Variants in HPRT1 observed in about 807,000 individuals in gnomAD.
HPRT1 encodes hypoxanthine-guanine phosphoribosyltransferase.
A neutral mutation model predicts 19.0 loss-of-function variants in HPRT1; 4 were observed. The ratio of observed to expected loss-of-function variants is 0.21; its 90% confidence interval spans 0.10 to 0.48. The LOEUF (loss-of-function observed/expected upper bound fraction) is 0.48, where lower values mean the gene tolerates loss of function less well. Among genes scored for constraint, HPRT1 ranks in the 20% least tolerant of loss-of-function variants. HPRT1 has a pLI of 0.98. For synonymous variants in HPRT1, 53 were observed against 54.9 expected (o/e 0.97, Z 0.15); for missense variants, 65 against 164.0 (o/e 0.40, Z 3.30).
chrX:134,497,687 C>T (rs2077685141), intron 6 of HPRT1, among the ~76,000 whole-genome samples: 1 of 110,671 alleles, frequency 9.0e-6, no homozygotes, highest in Non-Finnish European at 1.9e-5. Context: ...TGGCTTACGC[C>T]TGTAATTTCA....
intron 6 of HPRT1, among the ~76,000 whole-genome samples, chrX:134,497,843 A>T (rs1417443716): frequency 1.8e-5 from 2 of 108,213 alleles, no homozygotes; most frequent in African/African-American, 6.8e-5. Flanking sequence ...GCTACTCAGG[A>T]GGCTGAGGCG....
intron 4 of HPRT1, among the ~76,000 whole-genome samples, chrX:134,487,533 T>C (rs1468421038): frequency 8.9e-6 from 1 of 111,747 alleles, no homozygotes; most frequent in Non-Finnish European, 1.9e-5. Flanking sequence ...TAAGACTTAA[T>C]AAGGTTAAAA....
Position 134,481,580 on chromosome X carries a change from C to A in HPRT1, c.319-4885C>A, listed in dbSNP as rs1384194941. Among the ~76,000 whole-genome samples, 3 of 109,826 alleles carry A rather than the reference C, an allele frequency of 2.7e-5. No homozygotes were observed. The Admixed American group carries it at 3.0e-4, about 11-fold the overall frequency. On this transcript the variant is annotated intron_variant, in intron 3 of 8. Coordinates refer to ENST00000298556, the MANE Select transcript of HPRT1 (RefSeq NM_000194.3). ...CTATCTAAAGCAAATTCATGCCCTTCTCCTATTTATTGAATCGAGACCATA... is the reference window on the plus strand; with the variant it reads ...CTATCTAAAGCAAATTCATGCCCTTATCCTATTTATTGAATCGAGACCATA...
intron 8 of HPRT1, 117 bp from the exon 9 acceptor site, chrX:134,499,913 A>G (rs1023592717): frequency 1.1e-5 from 6 of 526,866 alleles, no homozygotes; most frequent in East Asian, 3.6e-5. Flanking sequence ...CAGTAGTACT[A>G]TCTCTGTTTA....
chrX:134,466,913 A>T (rs1164882995), intron 1 of HPRT1, among the ~76,000 whole-genome samples: 1 of 111,205 alleles, frequency 9.0e-6, no homozygotes, highest in Non-Finnish European at 1.9e-5. Flanking sequence ...CTTTTTGTGT[A>T]TATATAACTG....
chrX:134,499,620 C>T (rs1185618247), intron 8 of HPRT1, among the ~76,000 whole-genome samples: 1 of 110,897 alleles, frequency 9.0e-6, no homozygotes, highest in African/African-American at 3.3e-5. Context: ...CTGGCTAACA[C>T]GGTGAAACCC....
At chrX:134,493,747 T>C (rs985177310) in intron 6 of HPRT1, among the ~76,000 whole-genome samples, 157 bp downstream of exon 6, 1 of 112,426 alleles carries the variant, frequency 8.9e-6, no homozygotes, top group African/African-American at 3.2e-5. Context: ...TAAATAATTT[T>C]GTCATGTGTT....
At chrX:134,463,439 T>G (rs1330323144) in intron 1 of HPRT1, among the ~76,000 whole-genome samples, 1 of 111,474 alleles carries the variant, frequency 9.0e-6, no homozygotes, top group Non-Finnish European at 1.9e-5. Flanking sequence ...TTTTTTGTCC[T>G]TGGCCACACT....
chrX:134,486,706 T>C (rs1451842168), intron 4 of HPRT1, 176 bp downstream of exon 4: 2 of 453,743 alleles, frequency 4.4e-6, no homozygotes, highest in South Asian at 5.1e-5. Context: ...AAAAAGACAG[T>C]AGAATCCAAC....
At chrX:134,462,585 TG>T (rs1379263288) in intron 1 of HPRT1, among the ~76,000 whole-genome samples, 3 of 112,304 alleles carry the variant, frequency 2.7e-5, no homozygotes, top group Admixed American at 9.5e-5. Flanking sequence ...CCCAAAGTGC[TG>T]GGATTACAGG....
chrX:134,481,529 A>G (rs1360917599), intron 3 of HPRT1, among the ~76,000 whole-genome samples: 1 of 108,465 alleles, frequency 9.2e-6, no homozygotes, highest in Non-Finnish European at 1.9e-5. Context: ...CTATCTATCT[A>G]TCTATCTATC....
Position 134,486,252 on chromosome X carries a change from C to G in HPRT1, c.319-213C>G, listed in dbSNP as rs17886003. On this transcript the variant is annotated intron_variant, in intron 3 of 8. Coordinates refer to ENST00000298556, the MANE Select transcript of HPRT1 (RefSeq NM_000194.3). The stretch of plus-strand genomic sequence containing the variant: ...AGGACTTTTTAATTTTTACTAATCT[C>G]TACTTGAAAGTTTTCTAGTCATTCA... Among the ~76,000 whole-genome samples the G allele has an allele frequency of 0.013, 1,397 of 110,870 alleles. 22 individuals are homozygous for G. Among genetic ancestry groups the G allele is most frequent in the African/African-American group, 0.043 (1,326 of 30,512 alleles).
intron 5 of HPRT1, among the ~76,000 whole-genome samples, chrX:134,490,587 C>T (rs17879006): frequency 0.017 from 1,836 of 105,766 alleles, 12 homozygotes; most frequent in Non-Finnish European, 0.027. Flanking sequence ...AGACTATTTT[C>T]CATGTGTTAT....
At chrX:134,483,250 C>T (rs1282028553) in intron 3 of HPRT1, among the ~76,000 whole-genome samples, 2 of 111,133 alleles carry the variant, frequency 1.8e-5, no homozygotes, top group African/African-American at 6.5e-5. Flanking sequence ...TTTTCCTGCC[C>T]ATTTATTATG....
At chrX:134,499,789 G>A (rs1226681650) in intron 8 of HPRT1, among the ~76,000 whole-genome samples, 2 of 109,637 alleles carry the variant, frequency 1.8e-5, no homozygotes, top group Middle Eastern at 4.7e-3. Context: ...GGGTGACAGA[G>A]CAAGACTCCG....
At chrX:134,475,092 T>G in intron 2 of HPRT1, 89 bp from the exon 3 acceptor site, 4 of 705,822 alleles carry the variant, frequency 5.7e-6, no homozygotes, top group Non-Finnish European at 8.8e-6. Context: ...ATTGCCCAGG[T>G]TGGTGTGGAA....
At chrX:134,477,130 A>C (rs2077628040) in intron 3 of HPRT1, among the ~76,000 whole-genome samples, 1 of 104,244 alleles carries the variant, frequency 9.6e-6, no homozygotes, top group Non-Finnish European at 1.9e-5. Flanking sequence ...GCATGATCGT[A>C]GCTCACTGCA....
intron 1 of HPRT1, among the ~76,000 whole-genome samples, chrX:134,466,424 GA>G (rs1205574444): frequency 0.029 from 1,756 of 61,588 alleles, 39 homozygotes; most frequent in African/African-American, 0.085. Flanking sequence ...TCTCAAAAAA[GA>G]AAAAAAAAAA....
chrX:134,460,453 C>T (rs1361418682), intron 1 of HPRT1, 115 bp downstream of exon 1: 23 of 583,079 alleles, frequency 3.9e-5, no homozygotes, highest in Non-Finnish European at 1.4e-5. Context: ...CCAGGGAACC[C>T]CGCAGGCGGG....
Sources: gnomAD v4.1 joint callset for allele counts (sites outside exome capture counted in the v4.1 genomes callset) on GRCh38, gnomAD v4.1.1 for gene constraint, MANE v1.5 for transcripts, NCBI Gene and HGNC (gene_info 2026-07-23, HGNC 2026-07-21) for gene names.